PHLPP1: variants seen among roughly 807,000 people sequenced by gnomAD.
PHLPP1 encodes the protein PH domain and leucine rich repeat protein phosphatase 1, also known as PH domain leucine-rich repeat-containing protein phosphatase 1.
In PHLPP1, 42 loss-of-function variants were observed where a neutral mutation model predicts 117.2. The ratio of observed to expected loss-of-function variants is 0.36; its 90% CI spans 0.28 to 0.46. PHLPP1 has a LOEUF of 0.46. Ranked by LOEUF, PHLPP1 falls within the 20% of genes least tolerant of loss-of-function variation. The pLI, the probability that PHLPP1 is intolerant of heterozygous loss-of-function variation, is 1.00. For missense variants in PHLPP1, 2,084 were observed against 2,241.9 expected (o/e 0.93, Z 1.42); for synonymous variants, 1,042 against 970.7 (o/e 1.07, Z -1.37).
intron 3 of PHLPP1, among the ~76,000 whole-genome samples, chr18:62,856,862 C>T (rs1915510153): frequency 6.6e-6 from 1 of 152,080 alleles, no homozygotes; most frequent in African/African-American, 2.4e-5. Context: ...CAGTGGGCAC[C>T]ACTCTCACCA....
rs185217801 is a variant in PHLPP1, at chr18:62,834,556, A to G, written c.1774-4228A>G. ...GAGCTCGGTTACTGGGCTCTGGGAC[A>G]TACACACATCTACTTTCGCAAGATG... On this transcript the variant is annotated intron_variant, in intron 2 of 16. Coordinates refer to ENST00000262719, the MANE Select transcript of PHLPP1 (RefSeq NM_194449.4). 3.9e-5 allele frequency among the ~76,000 whole-genome samples: 6 copies of G among 152,184 alleles called. No individual in the cohort carries two copies. The South Asian group carries it at 6.2e-4, about 16-fold the overall frequency.
intron 3 of PHLPP1, among the ~76,000 whole-genome samples, chr18:62,847,962 G>A (rs1411552690): frequency 1.3e-5 from 2 of 152,192 alleles, no homozygotes; most frequent in African/African-American, 4.8e-5. Context: ...CAATATTGTT[G>A]AGTTACCAGG....
intron 3 of PHLPP1, among the ~76,000 whole-genome samples, chr18:62,844,555 G>A (rs144484411): frequency 9.2e-5 from 14 of 152,136 alleles, no homozygotes; most frequent in East Asian, 1.9e-4. Context: ...GTGGGCTATC[G>A]GTATGCTCCC....
chr18:62,744,664 A>G (rs1911626010), intron 1 of PHLPP1, among the ~76,000 whole-genome samples: 1 of 152,266 alleles, frequency 6.6e-6, no homozygotes, highest in Non-Finnish European at 1.5e-5. Flanking sequence ...TAATGAAGGC[A>G]TAGGAAGATA....
At chr18:62,943,868 A>G (rs555333954) in intron 11 of PHLPP1, among the ~76,000 whole-genome samples, 1 of 152,194 alleles carries the variant, frequency 6.6e-6, no homozygotes, top group African/African-American at 2.4e-5. Context: ...AATTCGGGCT[A>G]TCATAGATGG....
chr18:62,874,661 A>G (rs62098646), intron 4 of PHLPP1, among the ~76,000 whole-genome samples: 45,393 of 90,880 alleles, frequency 0.5, 8,247 homozygotes, highest in Non-Finnish European at 0.58. Flanking sequence ...ACGCGCGCAC[A>G]CACACACACA....
At chr18:62,877,744 T>C (rs1468774379) in intron 4 of PHLPP1, among the ~76,000 whole-genome samples, 2 of 152,216 alleles carry the variant, frequency 1.3e-5, no homozygotes, top group East Asian at 3.8e-4. Context: ...CCAGAGAATT[T>C]GAGCAAAGCA....
chr18:62,788,099 A>G (rs773271838), intron 1 of PHLPP1, among the ~76,000 whole-genome samples: 1 of 152,218 alleles, frequency 6.6e-6, no homozygotes, highest in Non-Finnish European at 1.5e-5. Flanking sequence ...ACGTTATGCC[A>G]ATAGCATTTT....
At chr18:62,892,082 CTTTTTTTTTTTT>C (rs200141250) in intron 4 of PHLPP1, among the ~76,000 whole-genome samples, 60,292 of 108,348 alleles carry the variant, frequency 0.56, 15,864 homozygotes, top group Non-Finnish European at 0.63. Context: ...TTCTTTCTTT[CTTTTTTTTTTTT>C]TTTTTTTTTT....
rs1916350038 is a variant in PHLPP1, at chr18:62,888,990, C to G, written c.2067-6021C>G. Among the ~76,000 whole-genome samples the G allele has an allele frequency of 4.6e-5, 7 of 152,306 alleles. No homozygotes were observed. In the South Asian group the frequency reaches 1.0e-3, roughly 23 times the overall value. On this transcript the variant is annotated intron_variant, in intron 4 of 16. Transcript: ENST00000262719. The stretch of plus-strand genomic sequence containing the variant: ...AATTCTCTGTGGACCTCCCCTCTAT[C>G]TTTCTCTGAAACAGTATTTGGATCT...
At chr18:62,777,099 C>T (rs1009822631) in intron 1 of PHLPP1, among the ~76,000 whole-genome samples, 13 of 152,110 alleles carry the variant, frequency 8.5e-5, no homozygotes, top group African/African-American at 2.4e-4. Context: ...GGTAGATGTT[C>T]GTTTAATTTT....
At chr18:62,832,655 T>C (rs941574223) in intron 2 of PHLPP1, among the ~76,000 whole-genome samples, 1 of 152,170 alleles carries the variant, frequency 6.6e-6, no homozygotes, top group African/African-American at 2.4e-5. Flanking sequence ...ATTGACTACA[T>C]TGAAAAATTG....
chr18:62,740,991 A>AAGAATATAATTG (rs1297995644), intron 1 of PHLPP1, among the ~76,000 whole-genome samples: 5 of 152,152 alleles, frequency 3.3e-5, no homozygotes, highest in Middle Eastern at 3.2e-3. Flanking sequence ...AGAAAAAAAA[A>AAGAATATAATTG]AGAATATAAT....
chr18:62,735,601 AAC>A (rs775668641), intron 1 of PHLPP1, among the ~76,000 whole-genome samples: 5,180 of 152,056 alleles, frequency 0.034, 128 homozygotes, highest in Non-Finnish European at 0.055. Context: ...CAACAACAAC[AAC>A]AAAACCAGTT....
chr18:62,893,045 CTTT>C (rs1160191635), intron 4 of PHLPP1, among the ~76,000 whole-genome samples: 2 of 139,612 alleles, frequency 1.4e-5, no homozygotes. Flanking sequence ...AGTGGATAGG[CTTT>C]TTTTTTTTTT....
intron 9 of PHLPP1, among the ~76,000 whole-genome samples, chr18:62,918,429 A>T (rs866337921): frequency 7.1e-6 from 1 of 140,502 alleles, no homozygotes; most frequent in African/African-American, 2.7e-5. Flanking sequence ...GTAAAGGATA[A>T]ATATATATAT....
chr18:62,844,750 AG>A (rs1915139068), intron 3 of PHLPP1, among the ~76,000 whole-genome samples: 2 of 152,212 alleles, frequency 1.3e-5, no homozygotes, highest in Non-Finnish European at 1.5e-5. Flanking sequence ...GGGTTGATTC[AG>A]GTATCTTATT....
chr18:62,890,851 CT>C (rs957255752), intron 4 of PHLPP1, among the ~76,000 whole-genome samples: 47 of 151,962 alleles, frequency 3.1e-4, no homozygotes, highest in Non-Finnish European at 5.0e-4. Flanking sequence ...CCTAGAGGAA[CT>C]TTTTTTTAAG....
chr18:62,809,341 T>A (rs980449111), intron 1 of PHLPP1, among the ~76,000 whole-genome samples: 1 of 152,214 alleles, frequency 6.6e-6, no homozygotes, highest in Non-Finnish European at 1.5e-5. Context: ...CAAAAGTAAT[T>A]CTGCTGTGAA....
Sources: gnomAD v4.1 joint callset for allele counts (sites outside exome capture counted in the v4.1 genomes callset) on GRCh38, gnomAD v4.1.1 for gene constraint, MANE v1.5 for transcripts, NCBI Gene and HGNC (gene_info 2026-07-23, HGNC 2026-07-21) for gene names.